NCALD: variants seen among roughly 807,000 people sequenced by gnomAD.
NCALD encodes neurocalcin-delta.
Under a neutral mutation model 18.6 loss-of-function variants are expected in NCALD, and 10 were observed. The observed-to-expected ratio is 0.54, with a 90% confidence interval of 0.33 to 0.91. The LOEUF is 0.91. Ranked by LOEUF, NCALD falls within the 40% of genes least tolerant of loss-of-function variation. The probability of loss-of-function intolerance (pLI) is 0.03; values close to 1 mark genes in which losing one functional copy is unlikely to be tolerated. For synonymous variants in NCALD, 88 were observed against 87.4 expected (o/e 1.01, Z -0.04); for missense variants, 184 against 247.6 (o/e 0.74, Z 1.72).
intron 1 of NCALD, among the ~76,000 whole-genome samples, chr8:102,031,003 A>G (rs1396114344): frequency 6.6e-6 from 1 of 152,138 alleles, no homozygotes; most frequent in South Asian, 2.1e-4. Context: ...AGAAACCCCA[A>G]TAACTAAATG....
intron 2 of NCALD, among the ~76,000 whole-genome samples, chr8:101,714,824 A>G (rs1043907321): frequency 1.3e-5 from 2 of 150,228 alleles, no homozygotes; most frequent in African/African-American, 5.0e-5. Context: ...GTGAAACCCC[A>G]TCTCTACTAA....
upstream of NCALD, among the ~76,000 whole-genome samples, chr8:101,792,782 T>G (rs1812493201): frequency 6.6e-6 from 1 of 152,172 alleles, no homozygotes; most frequent in South Asian, 2.1e-4. Flanking sequence ...AATCCATAGC[T>G]GCCTAATTAA....
chr8:101,790,436 C>A (rs188393443), intron 1 of NCALD, among the ~76,000 whole-genome samples: 273 of 152,254 alleles, frequency 1.8e-3, no homozygotes, highest in Non-Finnish European at 3.3e-3. Flanking sequence ...AGATAGAAAC[C>A]AAATTCCAAA....
At chr8:101,850,736 G>A (rs1437544583) in intron 4 of NCALD, among the ~76,000 whole-genome samples, 1 of 152,148 alleles carries the variant, frequency 6.6e-6, no homozygotes, top group Non-Finnish European at 1.5e-5. Context: ...ATGAAGCAGA[G>A]GGTAGAAGAT....
chr8:101,868,209 T>A (rs1276878550), intron 4 of NCALD, among the ~76,000 whole-genome samples: 1 of 152,058 alleles, frequency 6.6e-6, no homozygotes, highest in Non-Finnish European at 1.5e-5. Flanking sequence ...GCCTCTAGAC[T>A]TAGAGGGCCC....
intron 2 of NCALD, among the ~76,000 whole-genome samples, chr8:101,714,861 G>A (rs1815991229): frequency 6.6e-6 from 1 of 150,926 alleles, no homozygotes; most frequent in Admixed American, 6.6e-5. Context: ...GCCGGGCGCG[G>A]TGGCGGGCAC....
chr8:102,078,561 C>T (rs1374530317), intron 1 of NCALD, among the ~76,000 whole-genome samples: 1 of 152,344 alleles, frequency 6.6e-6, no homozygotes, highest in East Asian at 1.9e-4. Flanking sequence ...ACTACTCACC[C>T]CTAATTCATT....
chr8:101,976,738 T>G (rs560952060), intron 2 of NCALD, among the ~76,000 whole-genome samples: 1 of 152,322 alleles, frequency 6.6e-6, no homozygotes, highest in African/African-American at 2.4e-5. Context: ...GTCAGGCACT[T>G]GGTCAGACCC....
At chr8:101,749,140 C>T (rs1810548251) in intron 1 of NCALD, among the ~76,000 whole-genome samples, 1 of 152,300 alleles carries the variant, frequency 6.6e-6, no homozygotes, top group East Asian at 1.9e-4. Context: ...TTATTTCTAA[C>T]CAGGGTTCCA....
At chr8:101,740,934 C>T (rs1810158728) in intron 1 of NCALD, among the ~76,000 whole-genome samples, 1 of 151,476 alleles carries the variant, frequency 6.6e-6, no homozygotes, top group Non-Finnish European at 1.5e-5. Flanking sequence ...ATTCAACTAT[C>T]TTTATTTTTT....
At chr8:101,862,821 T>G (rs2131373178) in intron 4 of NCALD, among the ~76,000 whole-genome samples, 1 of 152,328 alleles carries the variant, frequency 6.6e-6, no homozygotes, top group Non-Finnish European at 1.5e-5. Context: ...TTTTCCAGCT[T>G]TCTCTGACAG....
chr8:102,009,665 G>GAAGAT (rs1438878568), intron 2 of NCALD, among the ~76,000 whole-genome samples: 2 of 152,196 alleles, frequency 1.3e-5, no homozygotes, highest in Non-Finnish European at 2.9e-5. Context: ...GATCAGATTT[G>GAAGAT]CTGTTTCAGG....
At chr8:101,873,357 C>T (rs914633374) in intron 4 of NCALD, among the ~76,000 whole-genome samples, 3 of 152,226 alleles carry the variant, frequency 2.0e-5, no homozygotes, top group African/African-American at 7.2e-5. Context: ...CTCTGTCCCT[C>T]ACCTTCATGG....
intron 2 of NCALD, among the ~76,000 whole-genome samples, chr8:102,012,898 A>G (rs1369751956): frequency 6.6e-6 from 1 of 152,236 alleles, no homozygotes; most frequent in Admixed American, 6.5e-5. Context: ...GCAGGAGTTG[A>G]GTAAACATAT....
At chr8:101,927,834 C>A (rs1449359111) in intron 2 of NCALD, among the ~76,000 whole-genome samples, 1 of 152,080 alleles carries the variant, frequency 6.6e-6, no homozygotes, top group African/African-American at 2.4e-5. Context: ...GGGGAGAGCC[C>A]AAACCCAAGC....
In NCALD at chr8:101,787,289, C is replaced by A. The variant is rs1177870073; in HGVS notation, c.-20+3573G>T. On this transcript the variant is annotated intron_variant, in intron 1 of 3. Transcript: ENST00000220931. Reference sequence around the variant, plus strand: ...TGCTAGAGACTCAAAGCTCCCAAGGCAAGTGTTCTTTTCTAATCCAAAGAA... The same window carrying A: ...TGCTAGAGACTCAAAGCTCCCAAGGAAAGTGTTCTTTTCTAATCCAAAGAA... 2.0e-5 allele frequency among the ~76,000 whole-genome samples: 3 copies of A among 152,188 alleles called. No individual in the cohort carries two copies. The East Asian group carries it at 5.8e-4, about 29-fold the overall frequency.
At chr8:101,802,961 A>C (rs963990786) in intron 4 of NCALD, among the ~76,000 whole-genome samples, 1 of 151,816 alleles carries the variant, frequency 6.6e-6, no homozygotes, top group Non-Finnish European at 1.5e-5. Context: ...AAGCTGCAGC[A>C]AGTTATGCAG....
intron 1 of NCALD, among the ~76,000 whole-genome samples, chr8:102,084,295 C>T (rs1824658835): frequency 6.6e-6 from 1 of 152,194 alleles, no homozygotes; most frequent in African/African-American, 2.4e-5. Flanking sequence ...TATGAGTCTG[C>T]AGCAACTTCA....
chr8:101,956,240 A>G (rs1178637800), intron 2 of NCALD, among the ~76,000 whole-genome samples: 1 of 152,196 alleles, frequency 6.6e-6, no homozygotes, highest in East Asian at 1.9e-4. Flanking sequence ...TGGTTTTCCT[A>G]TCTTCTGCAG....
Sources: allele counts gnomAD v4.1 joint callset (sites outside exome capture counted in the v4.1 genomes callset), GRCh38; gene constraint gnomAD v4.1.1; transcripts MANE v1.5; gene names NCBI Gene and HGNC (gene_info 2026-07-23, HGNC 2026-07-21).